STPG1: variants seen among roughly 807,000 people sequenced by gnomAD.
STPG1 encodes O(6)-methylguanine-induced apoptosis 2.
A neutral mutation model predicts 40.1 loss-of-function variants in STPG1; 33 were observed. That is an observed-to-expected ratio of 0.82 (90% CI 0.62 to 1.10). The LOEUF (loss-of-function observed/expected upper bound fraction) is 1.10, where lower values mean the gene tolerates loss of function less well. Ranked by LOEUF, STPG1 falls within the 50% of genes least tolerant of loss-of-function variation. The probability of loss-of-function intolerance (pLI) is 0.00; values close to 1 mark genes in which losing one functional copy is unlikely to be tolerated. For synonymous variants in STPG1, 150 were observed against 155.0 expected (o/e 0.97, Z 0.24); for missense variants, 396 against 415.1 (o/e 0.95, Z 0.40).
chr1:24,390,319 A>G (rs1642705711), intron 3 of STPG1, among the ~76,000 whole-genome samples: 1 of 152,206 alleles, frequency 6.6e-6, no homozygotes. Flanking sequence ...CCGGTCAGGA[A>G]CCACGCAGAA....
chr1:24,364,065 A>G (rs1348144351), intron 7 of STPG1: 1 of 1,350,512 alleles, frequency 7.4e-7, no homozygotes, highest in African/African-American at 1.5e-5. Context: ...CCTTCCAGAA[A>G]CACCCAACAC....
At chr1:24,372,927 G>T (rs1463081447) in intron 6 of STPG1, among the ~76,000 whole-genome samples, 2 of 152,182 alleles carry the variant, frequency 1.3e-5, no homozygotes, top group Admixed American at 1.3e-4. Context: ...GGAGGTCAGA[G>T]AGCACAGGAG....
At chr1:24,380,330 A>T (rs979396353) in intron 4 of STPG1, among the ~76,000 whole-genome samples, 5 of 152,310 alleles carry the variant, frequency 3.3e-5, no homozygotes, top group African/African-American at 1.2e-4. Flanking sequence ...TACTGTTTTC[A>T]TCAAATCCTA....
intron 7 of STPG1, among the ~76,000 whole-genome samples, chr1:24,361,500 C>T (rs1334757586): frequency 1.3e-5 from 2 of 152,124 alleles, no homozygotes; most frequent in East Asian, 1.9e-4. Context: ...CTTGTGATGC[C>T]TGCCATGGTC....
rs1382251692 is a variant in STPG1 at position 24,413,723 on chromosome 1, T to G, written c.-118A>C. 1 of 152,252 alleles carries G rather than the reference T, an allele frequency of 6.6e-6. No homozygotes were observed. Among genetic ancestry groups the G allele is most frequent in the Admixed American group, 6.5e-5 (1 of 15,286 alleles). The allele number at this position is 152,252 out of a possible 1,614,324, so 9.4% of individuals were successfully genotyped here. The stretch of plus-strand genomic sequence containing the variant: ...CTGGCCAGCCCAACCTCCCGGTCGC[T>G]ATGGCACCCACAGGCCTAACATTCG... On this transcript the variant is annotated 5_prime_UTR_variant, in exon 1 of 9. The change abolishes the stop of an existing upstream ORF in the 5' untranslated region. Coordinates refer to ENST00000337248, the MANE Select transcript of STPG1 (RefSeq NM_001199013.2).
At chr1:24,413,387 C>A (rs967749793) in intron 1 of STPG1, among the ~76,000 whole-genome samples, 1 of 152,234 alleles carries the variant, frequency 6.6e-6, no homozygotes, top group Non-Finnish European at 1.5e-5. Context: ...GGAGCCTGAG[C>A]CAGAAGGGTC....
intron 1 of STPG1, among the ~76,000 whole-genome samples, chr1:24,411,356 C>T (rs1271163410): frequency 6.6e-6 from 1 of 152,168 alleles, no homozygotes; most frequent in Non-Finnish European, 1.5e-5. Flanking sequence ...ACTCCTTAAC[C>T]TCTATAATAA....
intron 2 of STPG1, among the ~76,000 whole-genome samples, chr1:24,394,732 GA>G (rs1642922680): frequency 6.6e-6 from 1 of 151,684 alleles, no homozygotes; most frequent in African/African-American, 2.4e-5. Flanking sequence ...GACATTAGAG[GA>G]AAAAAAGATT....
chr1:24,407,581 G>A (rs1557465295), intron 1 of STPG1, among the ~76,000 whole-genome samples: 1 of 151,914 alleles, frequency 6.6e-6, no homozygotes, highest in Non-Finnish European at 1.5e-5. Flanking sequence ...CTGGGTACAG[G>A]TGCCTGCCAC....
At chr1:24,387,247 G>A (rs1642552442) in intron 3 of STPG1, among the ~76,000 whole-genome samples, 1 of 152,192 alleles carries the variant, frequency 6.6e-6, no homozygotes, top group Admixed American at 6.5e-5. Flanking sequence ...CAGCTCACAG[G>A]GTTTAGGAAT....
chr1:24,365,606 G>A (rs566312341), intron 7 of STPG1, among the ~76,000 whole-genome samples: 2 of 152,328 alleles, frequency 1.3e-5, no homozygotes, highest in East Asian at 3.9e-4. Flanking sequence ...CTAACAAACA[G>A]CCAGCCCCAA....
At chr1:24,367,478 T>C (rs28406935) in intron 7 of STPG1, among the ~76,000 whole-genome samples, 1 of 152,326 alleles carries the variant, frequency 6.6e-6, no homozygotes, top group Non-Finnish European at 1.5e-5. Flanking sequence ...AGTAGGTCTA[T>C]AGGATATACA....
chr1:24,376,744 G>A (rs1339720547), intron 5 of STPG1, among the ~76,000 whole-genome samples: 3 of 152,304 alleles, frequency 2.0e-5, no homozygotes, highest in Non-Finnish European at 2.9e-5. Context: ...AGGGGCATCC[G>A]CACAGACAGT....
At chr1:24,412,097 T>G (rs1201863084) in intron 1 of STPG1, 1 of 152,266 alleles carries the variant, frequency 6.6e-6, no homozygotes, top group African/African-American at 2.4e-5. Flanking sequence ...GTCATATGCG[T>G]GTGTGCATGC....
chr1:24,369,822 C>T lies in STPG1; in HGVS notation c.589G>A (p.Glu197Lys), dbSNP rs765960039. 6 of 1,606,108 alleles carry T rather than the reference C, an allele frequency of 3.7e-6. No individual in the cohort carries two copies. The highest frequency in any genetic ancestry group is 1.7e-5 in the Admixed American group (1 of 59,158). ...GPPPGHYDIN[E>K]SLVKQSPNTL... ...TTTGGCGACTGCTTCACAAGGGATTCGTTGATATCATAATGCCCTAAGGAG... is the reference window on the plus strand; with the variant it reads ...TTTGGCGACTGCTTCACAAGGGATTTGTTGATATCATAATGCCCTAAGGAG... The change falls in exon 7 of 9, where the codon GAA (glutamate) becomes AAA (lysine). Residue 197 changes from glutamate (E) to lysine (K), a missense_variant. Physicochemically the swap from Glu to Lys is moderately conservative, Grantham distance 56 (BLOSUM62 1). Coordinates refer to ENST00000337248, the MANE Select transcript of STPG1 (RefSeq NM_001199013.2).
At chr1:24,381,595 T>C (rs760497945) in intron 4 of STPG1, among the ~76,000 whole-genome samples, 15 of 152,252 alleles carry the variant, frequency 9.9e-5, no homozygotes, top group Non-Finnish European at 2.2e-4. Flanking sequence ...ATTTGGAATA[T>C]ACTAATAAAG....
chr1:24,391,905 A>T, intron 2 of STPG1: 3 of 1,282,900 alleles, frequency 2.3e-6, no homozygotes, highest in Non-Finnish European at 3.0e-6. Flanking sequence ...AATTAGTGAG[A>T]TGTGGTCACA....
At chr1:24,384,984 GC>G (rs1642443551) in intron 3 of STPG1, among the ~76,000 whole-genome samples, 1 of 152,120 alleles carries the variant, frequency 6.6e-6, no homozygotes, top group South Asian at 2.1e-4. Flanking sequence ...TATGATCAGG[GC>G]TACTTTAAGG....
At chr1:24,412,966 G>C (rs1643780693) in intron 1 of STPG1, among the ~76,000 whole-genome samples, 1 of 152,186 alleles carries the variant, frequency 6.6e-6, no homozygotes, top group Non-Finnish European at 1.5e-5. Context: ...ACATGTTACT[G>C]TACAGGGTAT....
Sources: allele counts gnomAD v4.1 joint callset (sites outside exome capture counted in the v4.1 genomes callset), GRCh38; gene constraint gnomAD v4.1.1; transcripts MANE v1.5; gene names NCBI Gene and HGNC (gene_info 2026-07-23, HGNC 2026-07-21).